Variants in CNTN4 observed in about 807,000 individuals in gnomAD.
CNTN4 encodes the protein contactin-4.
A neutral mutation model predicts 122.5 loss-of-function variants in CNTN4; 77 were observed. The observed-to-expected ratio is 0.63, with a 90% confidence interval of 0.52 to 0.76. The LOEUF (loss-of-function observed/expected upper bound fraction) is 0.76, where lower values mean the gene tolerates loss of function less well. CNTN4 is among the 30% of genes least tolerant of loss of function. The pLI, the probability that CNTN4 is intolerant of heterozygous loss-of-function variation, is 0.00. For synonymous variants in CNTN4, 512 were observed against 447.0 expected, an observed-to-expected ratio of 1.15 and a Z score of -1.83; for missense variants, 1,256 against 1,259.1, an observed-to-expected ratio of 1.00 and a Z score of 0.04.
rs1226175556 is a variant in CNTN4, at chr3:2,736,286, G to C, written c.127G>C (p.Glu43Gln). 6.2e-7 allele frequency: 1 copy of C among 1,613,430 alleles called. No individual in the cohort carries two copies. Among genetic ancestry groups the C allele is most frequent in the African/African-American group, 1.3e-5 (1 of 74,816 alleles). ...SPVMFPLDSE[E>Q]KKVKLNCEVK... is the part of the protein sequence containing the mutation. Reference sequence around the variant, plus strand: ...TGTAATGTTCCCTTTGGATTCTGAGGAGAAAAAAGTGAAGCTCAATTGTGA... The same window carrying C: ...TGTAATGTTCCCTTTGGATTCTGAGCAGAAAAAAGTGAAGCTCAATTGTGA... The change falls in exon 5 of 25, where the codon GAG (glutamate) becomes CAG (glutamine). Residue 43 changes from glutamate to glutamine, a missense_variant. Physicochemically the swap from Glu to Gln is conservative, Grantham distance 29. Transcript: ENST00000418658.
intron 3 of CNTN4, among the ~76,000 whole-genome samples, chr3:2,442,254 G>A (rs958378021): frequency 4.0e-5 from 6 of 151,852 alleles, no homozygotes; most frequent in Admixed American, 1.3e-4. Flanking sequence ...TTGTTAAATC[G>A]AGGAAGGAAT....
At chr3:2,230,451 A>G (rs559370440) in intron 2 of CNTN4, among the ~76,000 whole-genome samples, 4 of 152,324 alleles carry the variant, frequency 2.6e-5, no homozygotes, top group Admixed American at 6.5e-5. Flanking sequence ...TCTGATTTCA[A>G]CACCGTGCTG....
intron 4 of CNTN4, among the ~76,000 whole-genome samples, chr3:2,586,761 C>G (rs1296791194): frequency 6.6e-6 from 1 of 151,362 alleles, no homozygotes; most frequent in Non-Finnish European, 1.5e-5. Flanking sequence ...TTTCCCATTG[C>G]TTTATTTCTG....
intron 2 of CNTN4, among the ~76,000 whole-genome samples, chr3:2,103,908 C>T (rs1417468431): frequency 6.6e-6 from 1 of 152,086 alleles, no homozygotes; most frequent in East Asian, 1.9e-4. Context: ...TTTTGGTTCC[C>T]AGTGGCTGCA....
intron 3 of CNTN4, among the ~76,000 whole-genome samples, chr3:2,563,698 G>C (rs2079046955): frequency 6.6e-6 from 1 of 152,082 alleles, no homozygotes; most frequent in African/African-American, 2.4e-5. Flanking sequence ...AATGTTAGAA[G>C]ACTAGAACCA....
chr3:2,871,233 A>G (rs1240306743), intron 8 of CNTN4, among the ~76,000 whole-genome samples: 1 of 152,220 alleles, frequency 6.6e-6, no homozygotes, highest in Admixed American at 6.5e-5. Context: ...TCTACCTCAG[A>G]TAGTTATTTT....
chr3:2,178,211 CACAT>C (rs2036841579), intron 2 of CNTN4, among the ~76,000 whole-genome samples: 1 of 152,020 alleles, frequency 6.6e-6, no homozygotes. Flanking sequence ...AGAGCTGTAA[CACAT>C]ATGTCTTTGA....
chr3:2,813,297 C>T (rs552227591), intron 6 of CNTN4, among the ~76,000 whole-genome samples: 2 of 152,228 alleles, frequency 1.3e-5, no homozygotes, highest in East Asian at 1.9e-4. Flanking sequence ...TTACTGATTG[C>T]GTCTTTTAAA....
chr3:2,803,912 C>T (rs1170023076), intron 6 of CNTN4, among the ~76,000 whole-genome samples: 2 of 152,066 alleles, frequency 1.3e-5, no homozygotes, highest in African/African-American at 4.8e-5. Context: ...TGAACCACAG[C>T]TACACCCATT....
intron 2 of CNTN4, among the ~76,000 whole-genome samples, chr3:2,171,720 A>G (rs1257877682): frequency 6.6e-6 from 1 of 152,202 alleles, no homozygotes; most frequent in African/African-American, 2.4e-5. Context: ...TTATGAGGGA[A>G]ACATAGTCTC....
intron 3 of CNTN4, among the ~76,000 whole-genome samples, chr3:2,449,836 G>A (rs2048760621): frequency 6.6e-6 from 1 of 152,108 alleles, no homozygotes; most frequent in Non-Finnish European, 1.5e-5. Context: ...AGTAAAATAA[G>A]CCAGACACAG....
At chr3:2,298,740 A>G (rs1191153029) in intron 2 of CNTN4, among the ~76,000 whole-genome samples, 1 of 152,212 alleles carries the variant, frequency 6.6e-6, no homozygotes, top group African/African-American at 2.4e-5. Flanking sequence ...TGAAGACTAC[A>G]AGTGGCAGCA....
At chr3:2,315,059 T>C (rs145264142) in intron 2 of CNTN4, among the ~76,000 whole-genome samples, 3 of 152,156 alleles carry the variant, frequency 2.0e-5, no homozygotes, top group Non-Finnish European at 2.9e-5. Flanking sequence ...TCCACTGAAA[T>C]GTACATCAAA....
At chr3:2,940,444 G>C (rs1484560451) in intron 13 of CNTN4, among the ~76,000 whole-genome samples, 1 of 152,202 alleles carries the variant, frequency 6.6e-6, no homozygotes, top group East Asian at 1.9e-4. Flanking sequence ...GCCAGATGCA[G>C]TGGATCTTTT....
At chr3:2,551,114 C>T (rs1264300947) in intron 3 of CNTN4, among the ~76,000 whole-genome samples, 2 of 151,798 alleles carry the variant, frequency 1.3e-5, no homozygotes, top group East Asian at 3.9e-4. Context: ...AAAAAAAATG[C>T]CAGGCGTAAA....
intron 13 of CNTN4, among the ~76,000 whole-genome samples, chr3:2,952,053 C>A (rs961121410): frequency 3.3e-5 from 5 of 152,322 alleles, no homozygotes; most frequent in Non-Finnish European, 5.9e-5. Flanking sequence ...ATTCTACTAC[C>A]CCTGGCCTGA....
intron 4 of CNTN4, among the ~76,000 whole-genome samples, chr3:2,698,789 G>A (rs368849011): frequency 1.3e-5 from 2 of 152,118 alleles, no homozygotes; most frequent in Admixed American, 6.6e-5. Context: ...AGGCCAAGGC[G>A]GGCGGATCAC....
intron 12 of CNTN4, among the ~76,000 whole-genome samples, chr3:2,913,268 TAAAAC>T (rs1443536309): frequency 6.6e-6 from 1 of 152,158 alleles, no homozygotes; most frequent in Non-Finnish European, 1.5e-5. Context: ...ACAAGATACA[TAAAAC>T]AAATGAACAA....
At chr3:3,023,761 C>T (rs1698488410) in intron 14 of CNTN4, among the ~76,000 whole-genome samples, 1 of 152,188 alleles carries the variant, frequency 6.6e-6, no homozygotes, top group Non-Finnish European at 1.5e-5. Context: ...CAACCATCTG[C>T]ACCCCATGGC....
Sources: gnomAD v4.1 joint callset for allele counts (sites outside exome capture counted in the v4.1 genomes callset) on GRCh38, gnomAD v4.1.1 for gene constraint, MANE v1.5 for transcripts, NCBI Gene and HGNC (gene_info 2026-07-23, HGNC 2026-07-21) for gene names.